The following ITPR3 variants were observed in gnomAD, a reference collection of about 807,000 sequenced individuals.
The protein encoded by ITPR3 is inositol 1,4,5-trisphosphate-gated calcium channel ITPR3.
In ITPR3, 173 loss-of-function variants were observed where a neutral mutation model predicts 293.2. The ratio of observed to expected loss-of-function variants is 0.59; its 90% CI spans 0.52 to 0.67. The LOEUF (loss-of-function observed/expected upper bound fraction) is 0.67. ITPR3 is among the 30% of genes least tolerant of loss of function. ITPR3 has a pLI of 0.00. For missense variants in ITPR3, 2,796 were observed against 3,592.1 expected, an observed-to-expected ratio of 0.78 and a Z score of 5.66; for synonymous variants, 1,295 against 1,444.4, an observed-to-expected ratio of 0.90 and a Z score of 2.35.
chr6:33,633,169 A>C lies in ITPR3; in HGVS notation c.90-7315A>C, dbSNP rs951283815. Among the ~76,000 whole-genome samples the C allele has an allele frequency of 6.6e-6, 1 of 152,108 alleles. No individual in the cohort carries two copies. The highest frequency in any genetic ancestry group is 1.5e-5 in the Non-Finnish European group (1 of 68,004). On this transcript the variant is annotated intron_variant, in intron 1 of 57. Transcript: ENST00000605930. The surrounding 1 kb of genome is among the most constrained non-coding windows in gnomAD (Gnocchi z 5.2). ...GTGGTGGGCGTAGCGGGGCGTGGGC[A>C]GGGAACCACACGGGAGCCTCAGCTT...
At chr6:33,629,037 T>C (rs1013762459) in intron 1 of ITPR3, among the ~76,000 whole-genome samples, 1 of 152,216 alleles carries the variant, frequency 6.6e-6, no homozygotes, top group Non-Finnish European at 1.5e-5. Flanking sequence ...ACAGATCACT[T>C]ACATTGGGTG....
At position 33,683,136 on chromosome 6, in the gene ITPR3, C is replaced by T; in HGVS notation, c.4598-71C>T. The T allele has an allele frequency of 8.2e-7, 1 of 1,225,842 alleles. No individual in the cohort carries two copies. The highest frequency in any genetic ancestry group is 1.1e-6 in the Non-Finnish European group (1 of 902,512). The allele number at this position is 1,225,842 out of a possible 1,614,324, so 75.9% of individuals were successfully genotyped here. A position where few individuals can be genotyped will look rare whatever the true frequency, so the allele number is the denominator to read the frequency against. On this transcript the variant is annotated intron_variant, in intron 34 of 57. Coordinates refer to ENST00000605930, the MANE Select transcript of ITPR3 (RefSeq NM_002224.4). This position sits in a 1 kb window ranked among gnomAD's most constrained non-coding sequence, Gnocchi z 4.5. ...CACTCTGTCTCCTGGTGTGGCAGCCCTGAGCCTGGCCTCTGGCTGGCTGAA... is the reference window on the plus strand; with the variant it reads ...CACTCTGTCTCCTGGTGTGGCAGCCTTGAGCCTGGCCTCTGGCTGGCTGAA...
chr6:33,641,381 A>T (rs1763947250), intron 2 of ITPR3, among the ~76,000 whole-genome samples: 1 of 152,108 alleles, frequency 6.6e-6, no homozygotes, highest in African/African-American at 2.4e-5. Flanking sequence ...GGGAGAGCTT[A>T]GCTGGGATTG....
In ITPR3 at chr6:33,667,784, C is replaced by T. The variant is rs569059577; in HGVS notation, c.1714-8C>T. 34 of 1,613,790 alleles carry T rather than the reference C, an allele frequency of 2.1e-5. No homozygotes were observed. The African/African-American group carries it at 3.5e-4, about 16-fold the overall frequency. ...TCTCTGTGACCCCCAGCCTGTCTGC[C>T]CCCCCAGGAGCACATTGCCAAGCAG... is the stretch of plus-strand genomic sequence containing the variant. On this transcript the variant is annotated splice_polypyrimidine_tract_variant and splice_region_variant and intron_variant, in intron 15 of 57. Coordinates refer to ENST00000605930, the MANE Select transcript of ITPR3 (RefSeq NM_002224.4). This position sits in a 1 kb window ranked among gnomAD's most constrained non-coding sequence, Gnocchi z 4.4.
Position 33,663,760 on chromosome 6 carries a change from G to T in ITPR3, c.1028G>T (p.Arg343Leu), listed in dbSNP as rs150170523. The T allele has an allele frequency of 3.0e-5, 49 of 1,613,956 alleles. No homozygotes were observed. Among genetic ancestry groups the T allele is most frequent in the Non-Finnish European group, 4.0e-5 (47 of 1,180,018 alleles). ...AGMGAQGRTG[R>L]RNAGEKIKYC... Reference sequence around the variant, plus strand: ...CAGGGGGCACAGGGCCGCACAGGCCGCAGGAATGCTGGGGAGAAGATCAAG... The same window carrying T: ...CAGGGGGCACAGGGCCGCACAGGCCTCAGGAATGCTGGGGAGAAGATCAAG... The change falls in exon 11 of 58, where the codon CGC becomes CTC. Residue 343 changes from arginine (R) to leucine (L), a missense_variant. Arg to Leu is a moderately radical substitution (Grantham distance 102, BLOSUM62 -2). This residue lies in a region of ITPR3 where 955 missense variants were observed against 1,180.8 expected (regional missense o/e 0.81). Transcript: ENST00000605930.
Position 33,684,049 on chromosome 6 carries a change from G to T in ITPR3, c.4818G>T (p.Leu1606=). The T allele has an allele frequency of 6.2e-7, 1 of 1,610,986 alleles. No individual in the cohort carries two copies. Among genetic ancestry groups the T allele is most frequent in the East Asian group, 2.2e-5 (1 of 44,872 alleles). Residue 1606 remains leucine (L), a synonymous_variant, in exon 36 of 58, where the codon CTG becomes CTT. Transcript: ENST00000605930. This position sits in a 1 kb window ranked among gnomAD's most constrained non-coding sequence, Gnocchi z 4.2. ...TCATCACAGCCCTGGAGGAGCGGCTGAAGCCCCTGGTACAGGCTGAGCTGT... is the reference window on the plus strand; with the variant it reads ...TCATCACAGCCCTGGAGGAGCGGCTTAAGCCCCTGGTACAGGCTGAGCTGT... The part of the protein sequence containing the change: ...QDIITALEER[L]KPLVQAELSV...
chr6:33,686,236 C>A lies in ITPR3; in HGVS notation c.5851C>A (p.Pro1951Thr). The A allele has an allele frequency of 6.2e-7, 1 of 1,613,784 alleles. No individual in the cohort carries two copies. The highest frequency in any genetic ancestry group is 8.5e-7 in the Non-Finnish European group (1 of 1,179,936). ...LETLTEYCQG[P>T]CHENQTCIVT... ...GACCCTCACTGAGTACTGCCAGGGC[C>A]CCTGCCATGAGAACCAGGTGAGCTG... is the stretch of plus-strand genomic sequence containing the variant. Residue 1951 changes from proline to threonine, a missense_variant, in exon 42 of 58, where the codon CCC becomes ACC. Coordinates refer to ENST00000605930, the MANE Select transcript of ITPR3 (RefSeq NM_002224.4).
In ITPR3 at chr6:33,671,247, G is replaced by A. The variant is rs1303014175; in HGVS notation, c.2669G>A (p.Gly890Asp). Residue 890 changes from glycine to aspartate, a missense_variant, in exon 21 of 58, where the codon GGC (glycine) becomes GAC (aspartate). Physicochemically the swap from Gly to Asp is moderately conservative, Grantham distance 94 (BLOSUM62 -1). Coordinates refer to ENST00000605930, the MANE Select transcript of ITPR3 (RefSeq NM_002224.4). ...CTGCGGCTCACTCGCACACTGCTGGGCATCATCGACTGTGTGCAGGGGCCC... is the reference window on the plus strand; with the variant it reads ...CTGCGGCTCACTCGCACACTGCTGGACATCATCGACTGTGTGCAGGGGCCC... ...ELLRLTRTLL[G>D]IIDCVQGPPA... 3 of 1,613,762 alleles carry A rather than the reference G, an allele frequency of 1.9e-6. No individual in the cohort carries two copies. The highest frequency in any genetic ancestry group is 2.5e-6 in the Non-Finnish European group (3 of 1,179,998).
chr6:33,629,224 GC>G (rs1763616557), intron 1 of ITPR3, among the ~76,000 whole-genome samples: 1 of 151,864 alleles, frequency 6.6e-6, no homozygotes, highest in Non-Finnish European at 1.5e-5. Flanking sequence ...TACATACATT[GC>G]ATCTTTTTCA....
chr6:33,662,752 G>A (rs1764506032), intron 8 of ITPR3, 78 bp downstream of exon 8: 17 of 1,564,172 alleles, frequency 1.1e-5, no homozygotes, highest in Non-Finnish European at 1.5e-5. Flanking sequence ...ATCCTGGAGG[G>A]TGGGATATTG....
intron 1 of ITPR3, among the ~76,000 whole-genome samples, chr6:33,631,131 G>GC (rs1234416257): frequency 6.6e-6 from 1 of 152,262 alleles, no homozygotes; most frequent in Non-Finnish European, 1.5e-5. Flanking sequence ...GGGCTGGCCT[G>GC]CATCTGTGGA....
At chr6:33,680,703 C>T (rs758408542) in intron 33 of ITPR3, 23 bp downstream of exon 33, 12 of 1,597,566 alleles carry the variant, frequency 7.5e-6, no homozygotes, top group South Asian at 6.7e-5. Flanking sequence ...TCTCCCACCA[C>T]CCCAGGGCCG....
chr6:33,632,873 G>A lies in ITPR3; in HGVS notation c.90-7611G>A, dbSNP rs1464093038. 6.6e-6 allele frequency among the ~76,000 whole-genome samples: 1 copy of A among 152,212 alleles called. No individual in the cohort carries two copies. Among genetic ancestry groups the A allele is most frequent in the Non-Finnish European group, 1.5e-5 (1 of 68,036 alleles). On this transcript the variant is annotated intron_variant, in intron 1 of 57. Transcript: ENST00000605930. This position sits in a 1 kb window ranked among gnomAD's most constrained non-coding sequence, Gnocchi z 4.1. ...CTCAGCGTGGTCGCAGGAGATCCCA[G>A]AGGGTGGGGACCACACCCAGCACAT...
chr6:33,680,594 T>C lies in ITPR3; in HGVS notation c.4390T>C (p.Leu1464=), dbSNP rs1307364729. Reference sequence around the variant, plus strand: ...TGAGAAGCGCGTGGCTGACCCCACCTTGGAGAAGTACGTGCTGAGCGTTGT... The same window carrying C: ...TGAGAAGCGCGTGGCTGACCCCACCCTGGAGAAGTACGTGCTGAGCGTTGT... ...KREKRVADPT[L]EKYVLSVVLD... is the part of the protein sequence containing the mutation. The change falls in exon 33 of 58, where the codon TTG becomes CTG. Residue 1464 remains leucine (L), a synonymous_variant. Transcript: ENST00000605930. The C allele has an allele frequency of 1.9e-6, 3 of 1,614,112 alleles. No homozygotes were observed. The highest frequency in any genetic ancestry group is 2.5e-6 in the Non-Finnish European group (3 of 1,179,996).
At chr6:33,669,957 C>T (rs1281804038) in intron 18 of ITPR3, among the ~76,000 whole-genome samples, 1 of 152,084 alleles carries the variant, frequency 6.6e-6, no homozygotes, top group Non-Finnish European at 1.5e-5. Context: ...ATCAAGGTTG[C>T]ACCCCTTTCA....
At position 33,668,515 on chromosome 6, in the gene ITPR3, G is replaced by C. The variant is rs2068540533; in HGVS notation, c.1887G>C (p.Arg629Ser). 6.2e-7 allele frequency: 1 copy of C among 1,614,026 alleles called. No homozygotes were observed. Among genetic ancestry groups the C allele is most frequent in the African/African-American group, 1.3e-5 (1 of 74,916 alleles). ...VSLVRKNREPRFLDYLSDLCV... is the reference protein window; with the variant it reads ...VSLVRKNREPSFLDYLSDLCV... ...CCACCGCTGGCTGTCACCACCCCAG[G>C]TTCCTGGACTACCTCTCTGACCTGT... The change falls in exon 17 of 58, where the codon AGG becomes AGC. Residue 629 changes from arginine to serine, a missense_variant and splice_region_variant. Arg to Ser is a moderately radical substitution (Grantham distance 110). Around this residue, in one of 8 missense-constraint regions of ITPR3, gnomAD observed 955 missense variants for 1,180.8 expected, o/e 0.81. Transcript: ENST00000605930.
chr6:33,682,452 C>G lies in ITPR3; in HGVS notation c.4477-72C>G. ...CACCCATGCCCATTCTGATTGGGCC[C>G]TGGTTCCTGGACCTGGGGTTGCCCA... On this transcript the variant is annotated intron_variant, in intron 33 of 57. Transcript: ENST00000605930. This position sits in a 1 kb window ranked among gnomAD's most constrained non-coding sequence, Gnocchi z 5.4. The G allele has an allele frequency of 6.9e-7, 1 of 1,456,986 alleles. No homozygotes were observed. The highest frequency in any genetic ancestry group is 9.0e-7 in the Non-Finnish European group (1 of 1,106,042). 90.3% of individuals were successfully genotyped at this position (1,456,986 alleles called of 1,614,324 possible).
Position 33,688,389 on chromosome 6 carries a change from T to C in ITPR3, c.6526T>C (p.Ser2176Pro). The C allele has an allele frequency of 1.4e-6, 2 of 1,404,324 alleles. No individual in the cohort carries two copies. The highest frequency in any genetic ancestry group is 1.9e-6 in the Non-Finnish European group (2 of 1,054,260). 87.0% of individuals were successfully genotyped at this position (1,404,324 alleles called of 1,614,324 possible). The change falls in exon 48 of 58, where the codon TCC becomes CCC. Residue 2176 changes from serine (S) to proline (P), a missense_variant. Ser to Pro is a moderately conservative substitution (Grantham distance 74, BLOSUM62 -1). Coordinates refer to ENST00000605930, the MANE Select transcript of ITPR3 (RefSeq NM_002224.4). ...SKVSDFFDQS[S>P]FLHNEMEWQR... ...AGTGAGCGACTTCTTCGACCAGTCC[T>C]CCTTCCTGCACAACGAGATGGAGTG...
Position 33,655,654 on chromosome 6 carries a change from A to C in ITPR3, c.161-112A>C. 1 of 1,386,646 alleles carries C rather than the reference A, an allele frequency of 7.2e-7. No individual in the cohort carries two copies. The highest frequency in any genetic ancestry group is 2.4e-5 in the East Asian group (1 of 41,104). 85.9% of individuals were successfully genotyped at this position (1,386,646 alleles called of 1,614,324 possible). A position where few individuals can be genotyped will look rare whatever the true frequency, so the allele number is the denominator to read the frequency against. ...GCTTCCTCTCTACCTGCAGCGGGGA[A>C]CGGGGGTGGGGAAGGGTTGGGAGAG... On this transcript the variant is annotated intron_variant, in intron 2 of 57. Transcript: ENST00000605930. This position sits in a 1 kb window ranked among gnomAD's most constrained non-coding sequence, Gnocchi z 4.9.
Sources: allele counts gnomAD v4.1 joint callset (sites outside exome capture counted in the v4.1 genomes callset), GRCh38; gene constraint gnomAD v4.1.1; regional missense constraint gnomAD v4.1.1; non-coding constraint Gnocchi (gnomAD v3.1); transcripts MANE v1.5; gene names NCBI Gene and HGNC (gene_info 2026-07-23, HGNC 2026-07-21).